Variants in LAT2 observed in about 807,000 individuals in gnomAD.
LAT2 encodes the protein linker for activation of T-cells family member 2.
Under a neutral mutation model 43.4 loss-of-function variants are expected in LAT2, and 23 were observed. That is an observed-to-expected ratio of 0.53 (90% confidence interval 0.38 to 0.75). The LOEUF (loss-of-function observed/expected upper bound fraction) is 0.75. Among genes scored for constraint, LAT2 ranks in the 30% least tolerant of loss-of-function variants. The pLI is 0.00. For missense variants in LAT2, 284 were observed against 310.2 expected (o/e 0.92, Z 0.64); for synonymous variants, 128 against 123.2 (o/e 1.04, Z -0.26).
rs1464040395 is a variant in LAT2 at position 74,224,344 on chromosome 7, C to T, written c.628+147C>T. 6 of 963,032 alleles carry T rather than the reference C, an allele frequency of 6.2e-6. No individual in the cohort carries two copies. The Admixed American group carries it at 1.3e-4, about 20-fold the overall frequency. 59.7% of individuals were successfully genotyped at this position (963,032 alleles called of 1,614,324 possible). ...TGGGTGCAGGAGCAGCTGCAGAGAC[C>T]TTGAACCACACAGGACGGCCCTTGG... is the stretch of plus-strand genomic sequence containing the variant. On this transcript the variant is annotated intron_variant, in intron 12 of 13. Coordinates refer to ENST00000460943, the MANE Select transcript of LAT2 (RefSeq NM_032464.3).
At chr7:74,226,877 C>T (rs1554716184) in intron 13 of LAT2, among the ~76,000 whole-genome samples, 1 of 151,942 alleles carries the variant, frequency 6.6e-6, no homozygotes, top group East Asian at 1.9e-4. Context: ...ACAACAGAGG[C>T]CCCAGGGTGG....
Position 74,215,926 on chromosome 7 carries a change from C to T in LAT2, c.-29-21C>T, listed in dbSNP as rs1802022677. The T allele has an allele frequency of 1.9e-6, 3 of 1,561,156 alleles. No homozygotes were observed. The South Asian group carries it at 3.3e-5, about 17-fold the overall frequency. ...ATTCCTGAAAAAGGGGCCCCTTGCTCACGGGCACCTCCCATTTCAGCATCA... is the reference window on the plus strand; with the variant it reads ...ATTCCTGAAAAAGGGGCCCCTTGCTTACGGGCACCTCCCATTTCAGCATCA... On this transcript the variant is annotated intron_variant, in intron 2 of 13. Coordinates refer to ENST00000460943, the MANE Select transcript of LAT2 (RefSeq NM_032464.3).
chr7:74,210,614 T>A (rs1801699206), intron 1 of LAT2, among the ~76,000 whole-genome samples: 1 of 151,556 alleles, frequency 6.6e-6, no homozygotes, highest in Non-Finnish European at 1.5e-5. Context: ...CCTCTCTCCC[T>A]CCCAGCTAGG....
chr7:74,216,438 C>CT (rs1474500994), intron 3 of LAT2, among the ~76,000 whole-genome samples: 15 of 152,118 alleles, frequency 9.9e-5, no homozygotes, highest in Non-Finnish European at 1.9e-4. Context: ...GTGATGCAAT[C>CT]TTGGCTCACT....
At chr7:74,215,371 CAG>C (rs1554714099) in intron 2 of LAT2, 1 of 153,666 alleles carries the variant, frequency 6.5e-6, no homozygotes, top group African/African-American at 2.4e-5. Flanking sequence ...AGGAGGTGGG[CAG>C]AGAGGGGTCC....
Position 74,214,844 on chromosome 7 carries a change from C to T in LAT2, c.-196C>T, listed in dbSNP as rs1434034249. 1 of 126,854 alleles carries T rather than the reference C, an allele frequency of 7.9e-6. No individual in the cohort carries two copies. The highest frequency in any genetic ancestry group is 1.6e-5 in the Non-Finnish European group (1 of 63,810). 7.9% of individuals were successfully genotyped at this position (126,854 alleles called of 1,614,324 possible). A position where few individuals can be genotyped will look rare whatever the true frequency, so the allele number is the denominator to read the frequency against. On this transcript the variant is annotated 5_prime_UTR_variant, in exon 2 of 14. Transcript: ENST00000460943. ...TAGAGATGGAATTTCACCGTGTTGC[C>T]TAGGCTGGTCTGGAGCTCTTGATCT...
chr7:74,211,778 G>A (rs1414832909), intron 1 of LAT2, among the ~76,000 whole-genome samples: 1 of 151,880 alleles, frequency 6.6e-6, no homozygotes, highest in Non-Finnish European at 1.5e-5. Flanking sequence ...TTTTAGTAGA[G>A]ACAGGGTTTC....
intron 13 of LAT2, chr7:74,225,039 G>A (rs1802436627): frequency 7.4e-6 from 2 of 269,532 alleles, no homozygotes; most frequent in Non-Finnish European, 7.2e-6. Context: ...TGCGACCTTG[G>A]ACCAAGTGAC....
chr7:74,224,587 T>C, intron 12 of LAT2, 52 bp from the exon 13 acceptor site: 2 of 1,472,136 alleles, frequency 1.4e-6, no homozygotes, highest in South Asian at 1.2e-5. Flanking sequence ...GGAGCAGTCA[T>C]GGGTGTCTCC....
At chr7:74,212,070 A>G (rs1257606846) in intron 1 of LAT2, among the ~76,000 whole-genome samples, 2 of 151,920 alleles carry the variant, frequency 1.3e-5, no homozygotes, top group Non-Finnish European at 2.9e-5. Flanking sequence ...CAGTGTCCCA[A>G]GTAGCTGGAA....
At position 74,223,789 on chromosome 7, in the gene LAT2, G is replaced by A. The variant is rs1554715659; in HGVS notation, c.448+6G>A. The A allele has an allele frequency of 6.2e-7, 1 of 1,613,458 alleles. No individual in the cohort carries two copies. Among genetic ancestry groups the A allele is most frequent in the South Asian group, 1.1e-5 (1 of 91,048 alleles). On this transcript the variant is annotated splice_donor_region_variant and intron_variant, in intron 11 of 13. Transcript: ENST00000460943. ...GCAGAAAACCACAGAGACAGGTGAG[G>A]CTGCCCAGCCAGAGGCAGGCTGGGG...
chr7:74,227,895 G>C (rs1802547977), intron 13 of LAT2, among the ~76,000 whole-genome samples: 1 of 151,706 alleles, frequency 6.6e-6, no homozygotes, highest in African/African-American at 2.4e-5. Context: ...AAAAGAAGAG[G>C]CCAGGCGCAG....
intron 4 of LAT2, among the ~76,000 whole-genome samples, chr7:74,217,917 C>T (rs1554714484): frequency 5.9e-5 from 9 of 152,228 alleles, no homozygotes; most frequent in Non-Finnish European, 1.3e-4. Context: ...ATAGAATCTT[C>T]CCATCCTTGC....
At chr7:74,214,397 T>G (rs1801903135) in intron 1 of LAT2, among the ~76,000 whole-genome samples, 1 of 72,244 alleles carries the variant, frequency 1.4e-5, no homozygotes, top group Non-Finnish European at 2.4e-5. Flanking sequence ...TAAATATATA[T>G]ATATGAAAAT....
chr7:74,224,579 A>G (rs1584227677), intron 12 of LAT2, 60 bp from the exon 13 acceptor site: 1 of 1,409,326 alleles, frequency 7.1e-7, no homozygotes, highest in East Asian at 2.5e-5. Flanking sequence ...AGTCTGGGGG[A>G]GCAGTCATGG....
intron 3 of LAT2, 89 bp downstream of exon 3, chr7:74,216,158 G>C: frequency 8.9e-7 from 1 of 1,129,388 alleles, no homozygotes; most frequent in East Asian, 2.4e-5. Context: ...GCTGTGGTCA[G>C]AAGAGGTGGT....
chr7:74,213,707 G>A lies in LAT2; in HGVS notation c.-218-1115G>A, dbSNP rs182523977. 4.3e-3 allele frequency among the ~76,000 whole-genome samples: 654 copies of A among 152,268 alleles called. 5 individuals carry two copies. Among genetic ancestry groups the A allele is most frequent in the Non-Finnish European group, 6.2e-3 (422 of 68,006 alleles). ...CAAAGTGCTGGGATTACAGGCGTGA[G>A]CCACCACGCCCTGCTGGAGCTCCTC... On this transcript the variant is annotated intron_variant, in intron 1 of 13. Transcript: ENST00000460943.
intron 1 of LAT2, among the ~76,000 whole-genome samples, chr7:74,214,217 T>A (rs1360922517): frequency 2.0e-5 from 2 of 100,214 alleles, no homozygotes; most frequent in African/African-American, 4.3e-5. Flanking sequence ...TATATGAAAA[T>A]ATATATATGA....
In LAT2 at chr7:74,220,336, G is replaced by A. The variant is rs574394856; in HGVS notation, c.265+82G>A. On this transcript the variant is annotated intron_variant, in intron 7 of 13. Coordinates refer to ENST00000460943, the MANE Select transcript of LAT2 (RefSeq NM_032464.3). The surrounding 1 kb of genome is among the most constrained non-coding windows in gnomAD (Gnocchi z 4.5). The stretch of plus-strand genomic sequence containing the variant: ...GCGAAAACCCCATGGGACAGGCGTC[G>A]TGCAGTGGGGGCTGCGGGGCCAGGC... The A allele has an allele frequency of 2.1e-5, 31 of 1,481,248 alleles. No homozygotes were observed. The highest frequency in any genetic ancestry group is 1.7e-4 in the African/African-American group (12 of 72,128). The allele number at this position is 1,481,248 out of a possible 1,614,324, so 91.8% of individuals were successfully genotyped here. A position where few individuals can be genotyped will look rare whatever the true frequency, so the allele number is the denominator to read the frequency against.
Sources: gnomAD v4.1 joint callset for allele counts (sites outside exome capture counted in the v4.1 genomes callset) on GRCh38, gnomAD v4.1.1 for gene constraint, Gnocchi (gnomAD v3.1) non-coding constraint, MANE v1.5 for transcripts, NCBI Gene and HGNC (gene_info 2026-07-23, HGNC 2026-07-21) for gene names.